Variants in OPA3 observed in about 807,000 individuals in gnomAD.
OPA3 encodes outer mitochondrial membrane lipid metabolism regulator OPA3, also known as optic atrophy 3 protein.
OPA3 carries 6 observed loss-of-function variants against 4.0 expected under a neutral mutation model. The observed-to-expected ratio is 1.51, with a 90% CI of 0.83 to 2.99. OPA3 has a LOEUF of 2.99. Among genes scored for constraint, OPA3 ranks in the 30% most tolerant of loss-of-function variants. The pLI is 0.00. For missense variants in OPA3, 235 were observed against 256.2 expected (o/e 0.92, Z 0.56); for synonymous variants, 105 against 117.1 (o/e 0.90, Z 0.67).
Position 45,553,232 on chromosome 19 carries a change from A to G in OPA3, c.*282T>C. ...ACCAGGTTCCATTTTTTCATTTGCC[A>G]GAGTGCCCACGGTGTCCTGCTGGCT... On this transcript the variant is annotated 3_prime_UTR_variant, in exon 2 of 2. Coordinates refer to ENST00000263275, the MANE Select transcript of OPA3 (RefSeq NM_025136.4). The G allele has an allele frequency of 1.4e-6, 2 of 1,396,196 alleles. No individual in the cohort carries two copies. Among genetic ancestry groups the G allele is most frequent in the Non-Finnish European group, 9.3e-7 (1 of 1,076,272 alleles). The allele number at this position is 1,396,196 out of a possible 1,614,324, so 86.5% of individuals were successfully genotyped here. A position where few individuals can be genotyped will look rare whatever the true frequency, so the allele number is the denominator to read the frequency against.
At chr19:45,564,820 A>T (rs189430317) in intron 1 of OPA3, among the ~76,000 whole-genome samples, 2 of 152,218 alleles carry the variant, frequency 1.3e-5, no homozygotes, top group Non-Finnish European at 2.9e-5. Flanking sequence ...CTTTCTCTAT[A>T]AAGTTTTATC....
chr19:45,561,100 G>A (rs190344889), intron 1 of OPA3, among the ~76,000 whole-genome samples: 611 of 152,262 alleles, frequency 4.0e-3, no homozygotes, highest in Admixed American at 8.5e-3. Context: ...TTGGGAGGCC[G>A]AGGTGGGTGG....
downstream of OPA3, among the ~76,000 whole-genome samples, chr19:45,544,918 G>C (rs1285390195): frequency 2.0e-5 from 3 of 152,018 alleles, no homozygotes; most frequent in Non-Finnish European, 4.4e-5. Flanking sequence ...AGGAGGCGGA[G>C]GTTGTGGTGA....
intron 1 of OPA3, among the ~76,000 whole-genome samples, chr19:45,572,807 A>G: frequency 7.0e-6 from 1 of 141,864 alleles, no homozygotes; most frequent in Non-Finnish European, 1.5e-5. Context: ...ATATCATACT[A>G]TATATATAGA....
intron 1 of OPA3, among the ~76,000 whole-genome samples, chr19:45,577,257 T>C (rs1031103302): frequency 3.9e-5 from 6 of 152,242 alleles, no homozygotes; most frequent in Admixed American, 1.3e-4. Context: ...CAGCCTCTCC[T>C]GTGAGACAGC....
intron 1 of OPA3, among the ~76,000 whole-genome samples, chr19:45,572,827 C>CATACTATATATATA (rs1969707649): frequency 7.2e-6 from 1 of 138,596 alleles, no homozygotes; most frequent in African/African-American, 2.6e-5. Context: ...ATATATATCT[C>CATACTATATATATA]GATATATATC....
In OPA3 at chr19:45,553,135, TC is replaced by T; in HGVS notation, c.*378del. 3 of 1,193,756 alleles carry T rather than the reference TC, an allele frequency of 2.5e-6. No homozygotes were observed. The highest frequency in any genetic ancestry group is 3.1e-6 in the Non-Finnish European group (3 of 954,390). The allele number at this position is 1,193,756 out of a possible 1,614,324, so 73.9% of individuals were successfully genotyped here. ...GGTGTTCCAGTGTAACAGATGAGTG[TC>T]CCAGTAAAGGTTAACACTGATCAGG... is the stretch of plus-strand genomic sequence containing the variant. On this transcript the variant is annotated 3_prime_UTR_variant, in exon 2 of 2. Coordinates refer to ENST00000263275, the MANE Select transcript of OPA3 (RefSeq NM_025136.4).
intron 1 of OPA3, among the ~76,000 whole-genome samples, chr19:45,562,816 T>C (rs1340129858): frequency 6.6e-6 from 1 of 152,230 alleles, no homozygotes; most frequent in Non-Finnish European, 1.5e-5. Context: ...GCAGGCTTTA[T>C]ACCAGTGTTC....
chr19:45,584,561 GC>G (rs1969903895), intron 1 of OPA3, 61 bp downstream of exon 1: 3 of 1,612,368 alleles, frequency 1.9e-6, no homozygotes, highest in Non-Finnish European at 2.5e-6. Flanking sequence ...CATCCCCTAA[GC>G]AACCACCTGA....
intron 1 of OPA3, among the ~76,000 whole-genome samples, chr19:45,569,009 T>G (rs1969623240): frequency 1.3e-5 from 2 of 152,174 alleles, no homozygotes; most frequent in African/African-American, 2.4e-5. Flanking sequence ...AAAGATTTGT[T>G]GAGTGAATGA....
chr19:45,564,107 T>C (rs1240150856), intron 1 of OPA3, among the ~76,000 whole-genome samples: 2 of 134,650 alleles, frequency 1.5e-5, no homozygotes, highest in Non-Finnish European at 3.0e-5. Context: ...CCCAATAAAA[T>C]AGCAGTCCTG....
intron 1 of OPA3, among the ~76,000 whole-genome samples, chr19:45,570,107 C>T (rs1969639479): frequency 2.0e-5 from 3 of 152,170 alleles, no homozygotes; most frequent in Admixed American, 2.0e-4. Context: ...GTCCACTTGG[C>T]ATATTGCTTG....
Position 45,567,339 on chromosome 19 carries a change from CAAAA to C in OPA3, c.143-13432_143-13429del, listed in dbSNP as rs749982867. Among the ~76,000 whole-genome samples the C allele has an allele frequency of 9.5e-3, 573 of 60,584 alleles. 2 individuals are homozygous for C. The highest frequency in any genetic ancestry group is 0.025 in the African/African-American group (512 of 20,608). 39.7% of individuals were successfully genotyped at this position (60,584 alleles called of 152,430 possible). A position where few individuals can be genotyped will look rare whatever the true frequency, so the allele number is the denominator to read the frequency against. ...TGGGTGACAGGGGGAGACCCTGTGT[CAAAA>C]AAAAAAAAAAAAAAAGAAGAAGAAG... On this transcript the variant is annotated intron_variant, in intron 1 of 1. Coordinates refer to ENST00000263275, the MANE Select transcript of OPA3 (RefSeq NM_025136.4).
chr19:45,539,299 T>C (rs929963426), intron 1 of OPA3, among the ~76,000 whole-genome samples: 15 of 152,082 alleles, frequency 9.9e-5, no homozygotes, highest in African/African-American at 3.6e-4. Context: ...GGCAGTTTCT[T>C]AAAAAGTTAA....
At chr19:45,578,567 C>T (rs1414767843) in intron 1 of OPA3, among the ~76,000 whole-genome samples, 2 of 152,190 alleles carry the variant, frequency 1.3e-5, no homozygotes, top group East Asian at 3.8e-4. Context: ...GTGGCTCATG[C>T]CTGTAATCCC....
rs548188163 is a variant in OPA3 at position 45,552,330 on chromosome 19, C to T, written c.*1184G>A. The T allele has an allele frequency of 8.7e-5, 30 of 343,632 alleles. No homozygotes were observed. Among genetic ancestry groups the T allele is most frequent in the African/African-American group, 5.1e-4 (23 of 44,912 alleles). The allele number at this position is 343,632 out of a possible 1,614,324, so 21.3% of individuals were successfully genotyped here. ...TCAAGCAATTCTCCTGTCTCAGCCT[C>T]CCAAGTAGCTGGGATTACAGGTGCA... On this transcript the variant is annotated 3_prime_UTR_variant, in exon 2 of 2. Coordinates refer to ENST00000263275, the MANE Select transcript of OPA3 (RefSeq NM_025136.4).
At chr19:45,580,153 C>T (rs11083773) in intron 1 of OPA3, among the ~76,000 whole-genome samples, 69,215 of 150,350 alleles carry the variant, frequency 0.46, 16,039 homozygotes, top group Non-Finnish European at 0.49. Flanking sequence ...CGTGCCACCA[C>T]GCCCAGCTAA....
rs772710835 is a variant in OPA3, at chr19:45,550,157, A to T, written c.*3357T>A. 524 of 956,802 alleles carry T rather than the reference A, an allele frequency of 5.5e-4. No homozygotes were observed. Among genetic ancestry groups the T allele is most frequent in the Non-Finnish European group, 6.3e-4 (503 of 804,186 alleles). 59.3% of individuals were successfully genotyped at this position (956,802 alleles called of 1,614,324 possible). The stretch of plus-strand genomic sequence containing the variant: ...GGGTGACGGAGCTAGACTGTCTCCG[A>T]AAGAAAAGAAAAGAAAAAAGAAGAG... On this transcript the variant is annotated 3_prime_UTR_variant, in exon 2 of 2. Coordinates refer to ENST00000263275, the MANE Select transcript of OPA3 (RefSeq NM_025136.4).
chr19:45,530,353 C>CA (rs1381344185), intron 1 of OPA3, among the ~76,000 whole-genome samples: 1,689 of 148,472 alleles, frequency 0.011, 23 homozygotes, highest in African/African-American at 0.038. Flanking sequence ...GACTCCATCT[C>CA]AAAAAAAAAA....
Sources: gnomAD v4.1 joint callset for allele counts (sites outside exome capture counted in the v4.1 genomes callset) on GRCh38, gnomAD v4.1.1 for gene constraint, MANE v1.5 for transcripts, NCBI Gene and HGNC (gene_info 2026-07-23, HGNC 2026-07-21) for gene names.